Variants in XKR6 observed in about 807,000 individuals in gnomAD.
XKR6 encodes XK-related protein 6.
In XKR6, 22 loss-of-function variants were observed where a neutral mutation model predicts 56.7. The observed-to-expected ratio is 0.39, with a 90% CI of 0.28 to 0.55. The LOEUF (loss-of-function observed/expected upper bound fraction) is 0.55, where lower values mean the gene tolerates loss of function less well. Ranked by LOEUF, XKR6 falls within the 20% of genes least tolerant of loss-of-function variation. XKR6 has a pLI of 0.66. For synonymous variants in XKR6, 524 were observed against 387.8 expected, an observed-to-expected ratio of 1.35 and a Z score of -4.13; for missense variants, 852 against 889.0, an observed-to-expected ratio of 0.96 and a Z score of 0.53.
chr8:11,077,818 TCTG>T (rs1323362602), intron 1 of XKR6, among the ~76,000 whole-genome samples: 1 of 151,962 alleles, frequency 6.6e-6, no homozygotes, highest in African/African-American at 2.4e-5. Context: ...AGAAATGGAG[TCTG>T]CTGCTGCTGT....
intron 1 of XKR6, among the ~76,000 whole-genome samples, chr8:10,976,730 C>T (rs1802574296): frequency 1.3e-5 from 2 of 151,004 alleles, no homozygotes; most frequent in Admixed American, 1.3e-4. Flanking sequence ...CAGTGGCTTC[C>T]ATATCACTAG....
At chr8:11,006,780 A>T (rs117925888) in intron 1 of XKR6, among the ~76,000 whole-genome samples, 1,790 of 152,320 alleles carry the variant, frequency 0.012, 12 homozygotes, top group Non-Finnish European at 0.017. Context: ...GGCTCTCTCT[A>T]GCTGGATATG....
intron 1 of XKR6, among the ~76,000 whole-genome samples, chr8:10,954,600 A>G (rs141249998): frequency 7.2e-5 from 11 of 152,230 alleles, no homozygotes; most frequent in African/African-American, 2.2e-4. Flanking sequence ...CTCTCATTCT[A>G]TGGGTTGTCT....
chr8:11,058,218 AT>A (rs909304824), intron 1 of XKR6, among the ~76,000 whole-genome samples: 4 of 151,728 alleles, frequency 2.6e-5, no homozygotes, highest in East Asian at 3.9e-4. Context: ...CTCCTGCAAC[AT>A]TTTTTTTCTC....
chr8:11,104,996 C>T (rs985208349), intron 1 of XKR6: 15 of 152,166 alleles, frequency 9.9e-5, no homozygotes, highest in African/African-American at 2.9e-4. Flanking sequence ...ACCTCTACCA[C>T]ATTCGGTTTT....
chr8:10,909,946 G>A (rs767077070), intron 2 of XKR6, among the ~76,000 whole-genome samples: 1 of 151,924 alleles, frequency 6.6e-6, no homozygotes, highest in African/African-American at 2.4e-5. Flanking sequence ...ACAGTATTAA[G>A]CAAGTCTTTT....
In XKR6 at chr8:11,200,449, G is replaced by T; in HGVS notation, c.764+127C>A. On this transcript the variant is annotated intron_variant, in intron 1 of 2. Coordinates refer to ENST00000416569, the MANE Select transcript of XKR6 (RefSeq NM_173683.4). This position sits in a 1 kb window ranked among gnomAD's most constrained non-coding sequence, Gnocchi z 6.4. ...CGGTCTTTTGGAGACGCCAGGGGCG[G>T]CGCGCGGCCGGTCCCTCCTTCGAGC... 1 of 1,219,458 alleles carries T rather than the reference G, an allele frequency of 8.2e-7. No individual in the cohort carries two copies. The highest frequency in any genetic ancestry group is 1.1e-6 in the Non-Finnish European group (1 of 948,786). The allele number at this position is 1,219,458 out of a possible 1,614,324, so 75.5% of individuals were successfully genotyped here.
At chr8:11,150,448 G>GT (rs919672244) in intron 1 of XKR6, among the ~76,000 whole-genome samples, 1 of 152,086 alleles carries the variant, frequency 6.6e-6, no homozygotes, top group African/African-American at 2.4e-5. Context: ...ATTTGATTAC[G>GT]TAAAGTCCCC....
At chr8:11,026,909 C>T (rs1230352789) in intron 1 of XKR6, among the ~76,000 whole-genome samples, 1 of 152,032 alleles carries the variant, frequency 6.6e-6, no homozygotes, top group Non-Finnish European at 1.5e-5. Context: ...GCCTACTACA[C>T]ACCTAGATAG....
At chr8:11,108,854 G>T (rs971467591) in intron 1 of XKR6, 8 of 154,528 alleles carry the variant, frequency 5.2e-5, no homozygotes, top group African/African-American at 1.9e-4. Flanking sequence ...ACACGAATAC[G>T]TATGTCTGTA....
rs80170772 is a variant in XKR6 at position 10,960,363 on chromosome 8, C to G, written c.765-35533G>C. Among the ~76,000 whole-genome samples the G allele has an allele frequency of 3.7e-3, 568 of 152,334 alleles. 6 individuals are homozygous for G. Among genetic ancestry groups the G allele is most frequent in the African/African-American group, 0.013 (547 of 41,570 alleles). ...AGCCCGTTAACCCATAAATATCAGG[C>G]ACGGTCATAGCGTTACCCTGGCAGA... On this transcript the variant is annotated intron_variant, in intron 1 of 2. Transcript: ENST00000416569.
At chr8:10,984,088 C>T (rs1057386305) in intron 1 of XKR6, among the ~76,000 whole-genome samples, 1 of 152,140 alleles carries the variant, frequency 6.6e-6, no homozygotes, top group African/African-American at 2.4e-5. Context: ...ACAAAATCTA[C>T]CAGCACAGCA....
At chr8:11,153,454 A>G (rs1257919424) in intron 1 of XKR6, among the ~76,000 whole-genome samples, 1 of 152,254 alleles carries the variant, frequency 6.6e-6, no homozygotes, top group African/African-American at 2.4e-5. Context: ...AAATATCTCA[A>G]TACAGTTTAT....
intron 2 of XKR6, among the ~76,000 whole-genome samples, chr8:10,924,415 G>T (rs1228159500): frequency 1.3e-5 from 2 of 152,284 alleles, no homozygotes; most frequent in Admixed American, 6.5e-5. Flanking sequence ...TGGCCTGGAG[G>T]TGCCAAGCCA....
chr8:10,912,909 G>T (rs945931592), intron 2 of XKR6, among the ~76,000 whole-genome samples: 14 of 150,532 alleles, frequency 9.3e-5, no homozygotes, highest in Admixed American at 8.0e-4. Flanking sequence ...TAAAGAGAGG[G>T]CGAGTATATC....
At chr8:11,122,083 T>C (rs1400379648) in intron 1 of XKR6, among the ~76,000 whole-genome samples, 3 of 152,316 alleles carry the variant, frequency 2.0e-5, no homozygotes, top group African/African-American at 7.2e-5. Flanking sequence ...TAATCAATTG[T>C]TTTTCATCTC....
chr8:11,033,573 G>C (rs1217814051), intron 1 of XKR6, among the ~76,000 whole-genome samples: 1 of 152,156 alleles, frequency 6.6e-6, no homozygotes, highest in Non-Finnish European at 1.5e-5. Context: ...TTATGGTGAT[G>C]GTGATGATAC....
intron 1 of XKR6, among the ~76,000 whole-genome samples, chr8:10,988,782 T>C (rs117523320): frequency 0.04 from 6,046 of 152,234 alleles, 224 homozygotes; most frequent in Non-Finnish European, 0.059. Flanking sequence ...TCACAGAACA[T>C]AACCTCAAAA....
chr8:11,083,671 T>C (rs1797798656), intron 1 of XKR6, among the ~76,000 whole-genome samples: 1 of 152,164 alleles, frequency 6.6e-6, no homozygotes, highest in African/African-American at 2.4e-5. Context: ...CTCACAATTA[T>C]ACGTAAAAGT....
Sources: allele counts gnomAD v4.1 joint callset (sites outside exome capture counted in the v4.1 genomes callset), GRCh38; gene constraint gnomAD v4.1.1; non-coding constraint Gnocchi (gnomAD v3.1); transcripts MANE v1.5; gene names NCBI Gene and HGNC (gene_info 2026-07-23, HGNC 2026-07-21).